The following PHTF2 variants were observed in gnomAD, a reference collection of about 807,000 sequenced individuals.
PHTF2 encodes the protein protein PHTF2.
PHTF2 carries 60 observed loss-of-function variants against 101.2 expected under a neutral mutation model. The ratio of observed to expected loss-of-function variants is 0.59; its 90% CI spans 0.48 to 0.73. The LOEUF is 0.73. Ranked by LOEUF, PHTF2 falls within the 30% of genes least tolerant of loss-of-function variation. PHTF2 has a pLI of 0.00. For synonymous variants in PHTF2, 311 were observed against 307.3 expected (o/e 1.01, Z -0.13); for missense variants, 747 against 908.7 (o/e 0.82, Z 2.29).
chr7:77,936,065 T>C (rs770510061), intron 12 of PHTF2, among the ~76,000 whole-genome samples: 2 of 152,160 alleles, frequency 1.3e-5, no homozygotes, highest in Non-Finnish European at 2.9e-5. Context: ...GTGAAATGTA[T>C]ACCATGAAAG....
chr7:77,839,053 G>T (rs188814619), intron 1 of PHTF2, among the ~76,000 whole-genome samples: 24 of 152,092 alleles, frequency 1.6e-4, no homozygotes, highest in African/African-American at 5.1e-4. Flanking sequence ...CCCAAGAGTG[G>T]TATATAAAAC....
exon 7 of PHTF2, chr7:77,901,763 G>T (rs768186601): frequency 3.8e-5 from 57 of 1,489,082 alleles, no homozygotes; most frequent in Non-Finnish European, 5.1e-5. Flanking sequence ...TTTTTTCAGG[G>T]TCTGCATTTG....
chr7:77,869,889 T>C (rs1798380627), intron 3 of PHTF2, among the ~76,000 whole-genome samples: 1 of 152,210 alleles, frequency 6.6e-6, no homozygotes, highest in African/African-American at 2.4e-5. Flanking sequence ...GTTTGTCTTC[T>C]TTTGAGAAAT....
At chr7:77,861,630 G>A (rs1797651135) in intron 3 of PHTF2, among the ~76,000 whole-genome samples, 1 of 152,168 alleles carries the variant, frequency 6.6e-6, no homozygotes, top group Non-Finnish European at 1.5e-5. Context: ...TTGCAGAATT[G>A]TAGGTAAATA....
intron 12 of PHTF2, 109 bp downstream of exon 11, chr7:77,929,436 A>G (rs903459913): frequency 4.8e-6 from 3 of 620,540 alleles, no homozygotes; most frequent in East Asian, 2.8e-5. Context: ...TTATATTTCT[A>G]TAATTTTTTT....
intron 12 of PHTF2, among the ~76,000 whole-genome samples, chr7:77,933,439 G>C (rs1033873726): frequency 6.6e-6 from 1 of 152,136 alleles, no homozygotes. Context: ...AGCTTTGAGA[G>C]ACCAGGTAAG....
At chr7:77,928,014 G>GTTC (rs766151175) in intron 11 of PHTF2, among the ~76,000 whole-genome samples, 2 of 152,140 alleles carry the variant, frequency 1.3e-5, no homozygotes, top group Admixed American at 6.5e-5. Context: ...GCTTTAGGAA[G>GTTC]GTTAATCTGG....
chr7:77,887,016 A>G (rs1160814399), intron 3 of PHTF2, among the ~76,000 whole-genome samples: 1 of 149,552 alleles, frequency 6.7e-6, no homozygotes, highest in African/African-American at 2.5e-5. Flanking sequence ...ACTACACTCC[A>G]GTCTGGGTGA....
Position 77,951,614 on chromosome 7 carries a change from A to G in PHTF2, c.2116-3A>G, listed in dbSNP as rs1299251885. Reference sequence around the variant, plus strand: ...TGAAGCATTTCTATTCTTTTTATAAAAGATAAACCTCTACTTGAAAATGGA... The same window carrying G: ...TGAAGCATTTCTATTCTTTTTATAAGAGATAAACCTCTACTTGAAAATGGA... On this transcript the variant is annotated splice_region_variant and splice_polypyrimidine_tract_variant and intron_variant, in intron 17 of 19. Transcript: ENST00000416283. 8.1e-7 allele frequency: 1 copy of G among 1,228,502 alleles called. No individual in the cohort carries two copies. The highest frequency in any genetic ancestry group is 1.5e-5 in the African/African-American group (1 of 64,804). 76.1% of individuals were successfully genotyped at this position (1,228,502 alleles called of 1,614,324 possible). A position where few individuals can be genotyped will look rare whatever the true frequency, so the allele number is the denominator to read the frequency against.
intron 1 of PHTF2, among the ~76,000 whole-genome samples, chr7:77,813,417 G>A (rs1019476903): frequency 2.0e-5 from 3 of 152,210 alleles, no homozygotes; most frequent in Non-Finnish European, 2.9e-5. Context: ...TGCATTTAGC[G>A]ACTGGAAGTC....
chr7:77,947,837 C>CTTTTTTTTTTTTTT lies in PHTF2; in HGVS notation c.1960-1836_1960-1823dup, dbSNP rs71082798. ...TTATTTTCTTTTTTCTTTTTTCTTT[C>CTTTTTTTTTTTTTT]TTTTTTTTTTTTTTTTTTGAGACAG... On this transcript the variant is annotated intron_variant, in intron 16 of 19. Coordinates refer to ENST00000416283, the Ensembl canonical transcript of PHTF2. Among the ~76,000 whole-genome samples, 448 of 73,784 alleles carry CTTTTTTTTTTTTTT rather than the reference C, an allele frequency of 6.1e-3. 62 individuals are homozygous for CTTTTTTTTTTTTTT. Among genetic ancestry groups the CTTTTTTTTTTTTTT allele is most frequent in the African/African-American group, 9.2e-3 (160 of 17,468 alleles). 48.4% of individuals were successfully genotyped at this position (73,784 alleles called of 152,430 possible). A position where few individuals can be genotyped will look rare whatever the true frequency, so the allele number is the denominator to read the frequency against.
intron 16 of PHTF2, among the ~76,000 whole-genome samples, chr7:77,943,103 T>A (rs1194849227): frequency 3.4e-5 from 4 of 119,366 alleles, no homozygotes; most frequent in African/African-American, 1.0e-4. Flanking sequence ...TATTCATGTT[T>A]ACTATTCTTT....
intron 3 of PHTF2, among the ~76,000 whole-genome samples, chr7:77,893,389 T>A (rs1800609613): frequency 6.6e-6 from 1 of 152,182 alleles, no homozygotes; most frequent in African/African-American, 2.4e-5. Flanking sequence ...CCTGAGAGTT[T>A]GCATTTCTAA....
chr7:77,899,397 A>G (rs1318359911), intron 5 of PHTF2, among the ~76,000 whole-genome samples: 3 of 152,094 alleles, frequency 2.0e-5, no homozygotes, highest in African/African-American at 7.2e-5. Context: ...ATTAGGGCAA[A>G]AGCACCGTGA....
At chr7:77,840,012 G>A (rs763492449) in intron 1 of PHTF2, 6 of 360,506 alleles carry the variant, frequency 1.7e-5, no homozygotes, top group Admixed American at 4.6e-5. Context: ...ATTTATTCAT[G>A]CAAATAGAAC....
chr7:77,886,411 A>T (rs1385388965), intron 3 of PHTF2, among the ~76,000 whole-genome samples: 1 of 152,198 alleles, frequency 6.6e-6, no homozygotes, highest in Non-Finnish European at 1.5e-5. Flanking sequence ...ATACCTAGAC[A>T]AAGGCAGTCT....
At chr7:77,893,634 G>T in exon 4 of PHTF2, 1 of 1,436,370 alleles carries the variant, frequency 7.0e-7, no homozygotes, top group South Asian at 1.2e-5. Context: ...AACAAATATG[G>T]GAAAAATCTG....
rs543574042 is a variant in PHTF2, at chr7:77,832,997, C to T, written c.-35-7224C>T. 6.6e-5 allele frequency among the ~76,000 whole-genome samples: 10 copies of T among 151,590 alleles called. No homozygotes were observed. The East Asian group carries it at 9.7e-4, about 15-fold the overall frequency. On this transcript the variant is annotated intron_variant, in intron 1 of 19. Coordinates refer to ENST00000416283, the Ensembl canonical transcript of PHTF2. ...ATAACTAATAATAAAATAGGACAAT[C>T]GTAACAGTATACTCTAATGAAAAGT...
At chr7:77,853,862 T>A (rs1159464498) in intron 2 of PHTF2, among the ~76,000 whole-genome samples, 2 of 152,210 alleles carry the variant, frequency 1.3e-5, no homozygotes, top group East Asian at 3.9e-4. Flanking sequence ...TGAATTTCAT[T>A]GAGCTTCCTC....
Sources: gnomAD v4.1 joint callset for allele counts (sites outside exome capture counted in the v4.1 genomes callset) on GRCh38, gnomAD v4.1.1 for gene constraint, MANE v1.5 for transcripts, NCBI Gene and HGNC (gene_info 2026-07-23, HGNC 2026-07-21) for gene names.